Variants in PPARD observed in about 807,000 individuals in gnomAD.
PPARD encodes the protein peroxisome proliferator activated receptor delta.
In PPARD, 6 loss-of-function variants were observed where a neutral mutation model predicts 39.5. The ratio of observed to expected loss-of-function variants is 0.15; its 90% CI spans 0.08 to 0.30. The LOEUF is 0.30. Ranked by LOEUF, PPARD falls within the 10% of genes least tolerant of loss-of-function variation. The pLI is 1.00. For missense variants in PPARD, 397 were observed against 596.8 expected, an observed-to-expected ratio of 0.67 and a Z score of 3.49; for synonymous variants, 210 against 231.3, an observed-to-expected ratio of 0.91 and a Z score of 0.83.
At chr6:35,389,500 C>A (rs562742652) in intron 2 of PPARD, among the ~76,000 whole-genome samples, 236 of 152,038 alleles carry the variant, frequency 1.6e-3, no homozygotes, top group Non-Finnish European at 2.8e-3. Context: ...TTAGTAGAGA[C>A]AGGGGTTTCA....
intron 2 of PPARD, among the ~76,000 whole-genome samples, chr6:35,383,399 G>A (rs1334356954): frequency 6.6e-6 from 1 of 152,164 alleles, no homozygotes; most frequent in African/African-American, 2.4e-5. Flanking sequence ...CCTCCCAGCC[G>A]CCTGCCTTGG....
chr6:35,370,541 G>A (rs554210135), intron 2 of PPARD, among the ~76,000 whole-genome samples: 31 of 152,288 alleles, frequency 2.0e-4, no homozygotes, highest in African/African-American at 7.2e-4. Flanking sequence ...CCCATCTGAG[G>A]GTGGTGGGCA....
chr6:35,423,823 C>A, intron 5 of PPARD, 123 bp from the exon 6 acceptor site: 1 of 852,194 alleles, frequency 1.2e-6, no homozygotes, highest in Middle Eastern at 3.6e-4. Flanking sequence ...CTTGCTGACT[C>A]TAGAGCTTCT....
At chr6:35,419,616 G>T (rs1581667696) in intron 3 of PPARD, among the ~76,000 whole-genome samples, 2 of 152,310 alleles carry the variant, frequency 1.3e-5, no homozygotes, top group African/African-American at 4.8e-5. Flanking sequence ...TGCAAGAATA[G>T]AACTTCCTGT....
At chr6:35,347,795 G>A (rs1760968186) in intron 2 of PPARD, among the ~76,000 whole-genome samples, 1 of 152,002 alleles carries the variant, frequency 6.6e-6, no homozygotes, top group South Asian at 2.1e-4. Context: ...TTTTAGTAGA[G>A]ATGGGGTTTC....
chr6:35,367,609 T>G (rs1271096219), intron 2 of PPARD, among the ~76,000 whole-genome samples: 2 of 152,214 alleles, frequency 1.3e-5, no homozygotes, highest in Admixed American at 6.5e-5. Context: ...CAACCACCAT[T>G]TATCCTTTCT....
chr6:35,364,919 C>T (rs1762115781), intron 2 of PPARD, among the ~76,000 whole-genome samples: 2 of 151,602 alleles, frequency 1.3e-5, no homozygotes, highest in South Asian at 4.2e-4. Flanking sequence ...CTGTGTTAGC[C>T]AGGATGGTCT....
rs77701711 is a variant in PPARD at position 35,395,695 on chromosome 6, T to C, written c.-101-15292T>C. ...GCAGTTAGTTGAAGGGAGAGTCTAA[T>C]TGGTCAGGATACAGAACACCTTTTT... On this transcript the variant is annotated intron_variant, in intron 2 of 7. Transcript: ENST00000360694. 4.1e-3 allele frequency among the ~76,000 whole-genome samples: 621 copies of C among 152,270 alleles called. 2 individuals carry two copies. The highest frequency in any genetic ancestry group is 0.01 in the Middle Eastern group (3 of 294).
At chr6:35,417,387 A>G (rs1765841332) in intron 3 of PPARD, among the ~76,000 whole-genome samples, 1 of 151,932 alleles carries the variant, frequency 6.6e-6, no homozygotes, top group East Asian at 1.9e-4. Context: ...CCTAGGCTCA[A>G]GGATTTTCCT....
At chr6:35,358,269 A>G (rs2150477996) in intron 2 of PPARD, among the ~76,000 whole-genome samples, 1 of 152,276 alleles carries the variant, frequency 6.6e-6, no homozygotes, top group East Asian at 1.9e-4. Flanking sequence ...AAATGCAACG[A>G]ACGTAGCTTT....
chr6:35,393,232 G>T (rs750791786), intron 2 of PPARD, among the ~76,000 whole-genome samples: 5 of 152,218 alleles, frequency 3.3e-5, no homozygotes, highest in Non-Finnish European at 7.3e-5. Context: ...AAGTGGGCAG[G>T]AGCGGAGGGA....
intron 2 of PPARD, among the ~76,000 whole-genome samples, chr6:35,358,489 C>T (rs1187120815): frequency 1.3e-5 from 2 of 152,194 alleles, no homozygotes; most frequent in African/African-American, 2.4e-5. Context: ...ATACAGGGCT[C>T]ATCTGCCTCC....
At chr6:35,421,330 G>A (rs919081204) in intron 4 of PPARD, among the ~76,000 whole-genome samples, 16 of 145,426 alleles carry the variant, frequency 1.1e-4, no homozygotes, top group Admixed American at 6.9e-4. Flanking sequence ...GTTTTGTTTT[G>A]TTTTATTTTG....
At chr6:35,360,769 G>A (rs901439593) in intron 2 of PPARD, among the ~76,000 whole-genome samples, 1 of 152,094 alleles carries the variant, frequency 6.6e-6, no homozygotes, top group Non-Finnish European at 1.5e-5. Flanking sequence ...CTCTTTTCTT[G>A]CACCTTGCCA....
At chr6:35,357,457 G>C (rs900487937) in intron 2 of PPARD, among the ~76,000 whole-genome samples, 3 of 152,208 alleles carry the variant, frequency 2.0e-5, no homozygotes, top group Non-Finnish European at 4.4e-5. Context: ...GACTGGAGAA[G>C]AGAAAACTGC....
chr6:35,349,814 T>G (rs913768653), intron 2 of PPARD, among the ~76,000 whole-genome samples: 2 of 152,098 alleles, frequency 1.3e-5, no homozygotes, highest in African/African-American at 4.8e-5. Context: ...CAATCTTGGC[T>G]CCCTGTAACC....
chr6:35,388,025 CTT>C (rs199635143), intron 2 of PPARD, among the ~76,000 whole-genome samples: 18 of 136,638 alleles, frequency 1.3e-4, no homozygotes, highest in African/African-American at 4.0e-4. Flanking sequence ...CCTGGCCATT[CTT>C]TTTTTTTTTT....
Position 35,387,709 on chromosome 6 carries a change from C to T in PPARD, c.-101-23278C>T, listed in dbSNP as rs116758815. On this transcript the variant is annotated intron_variant, in intron 2 of 7. Transcript: ENST00000360694. ...TTCCATATCAGCATATACAGATACA[C>T]TGCATTCTTTTTTTTTTTTTTTTTT... is the stretch of plus-strand genomic sequence containing the variant. 8.0e-3 allele frequency among the ~76,000 whole-genome samples: 1,170 copies of T among 145,588 alleles called. 21 individuals carry two copies. Among genetic ancestry groups the T allele is most frequent in the African/African-American group, 0.029 (1,105 of 38,664 alleles).
intron 3 of PPARD, among the ~76,000 whole-genome samples, chr6:35,414,252 A>G (rs1235673859): frequency 2.0e-5 from 3 of 152,102 alleles, no homozygotes. Context: ...ATTGTTTAAA[A>G]TCCTTATGTT....
Sources: gnomAD v4.1 joint callset for allele counts (sites outside exome capture counted in the v4.1 genomes callset) on GRCh38, gnomAD v4.1.1 for gene constraint, MANE v1.5 for transcripts, NCBI Gene and HGNC (gene_info 2026-07-23, HGNC 2026-07-21) for gene names.